The following OR1J2 variants were observed in gnomAD, a reference collection of about 807,000 sequenced individuals.
The protein encoded by OR1J2 is olfactory receptor family 1 subfamily J member 2.
For synonymous variants in OR1J2, 142 were observed against 99.7 expected (o/e 1.42, Z -2.52); for missense variants, 304 against 246.1 (o/e 1.24, Z -1.57).
chr9:122,448,522 G>A, the OR1J2 span, among the ~76,000 whole-genome samples: 1 of 152,136 alleles, frequency 6.6e-6, no homozygotes, highest in African/African-American at 2.4e-5. Flanking sequence ...GCGTCAGGCT[G>A]GGGGATGGTT....
the OR1J2 span, among the ~76,000 whole-genome samples, chr9:122,459,810 T>C: frequency 9.9e-4 from 151 of 152,266 alleles, 3 homozygotes; most frequent in South Asian, 0.03. Context: ...ACAGTGTACA[T>C]TGTAGTCAAT....
the OR1J2 span, among the ~76,000 whole-genome samples, chr9:122,469,681 G>A: frequency 0.32 from 49,072 of 152,118 alleles, 9,317 homozygotes; most frequent in Non-Finnish European, 0.45. Flanking sequence ...GGGAAAGTTT[G>A]GAACTCCCTA....
the OR1J2 span, among the ~76,000 whole-genome samples, chr9:122,546,497 G>A: frequency 6.6e-6 from 1 of 152,148 alleles, no homozygotes; most frequent in South Asian, 2.1e-4. Context: ...GCTGTGAGCT[G>A]TCCAAGTGAT....
chr9:122,510,753 C>T (rs1289969623), upstream of OR1J2: 8 of 1,028,886 alleles, frequency 7.8e-6, no homozygotes, highest in Non-Finnish European at 1.0e-5. Context: ...AATTTCAGAG[C>T]CTCTAATATT....
the OR1J2 span, among the ~76,000 whole-genome samples, chr9:122,569,470 A>G: frequency 6.6e-5 from 5 of 76,248 alleles, no homozygotes; most frequent in Admixed American, 7.4e-4. Context: ...TTTTTGTATC[A>G]GCAAAATGTT....
the OR1J2 span, among the ~76,000 whole-genome samples, chr9:122,451,513 A>G: frequency 1.3e-5 from 2 of 152,116 alleles, no homozygotes; most frequent in Non-Finnish European, 2.9e-5. Flanking sequence ...GCTTCAACAG[A>G]GGTGTTGAGC....
the OR1J2 span, among the ~76,000 whole-genome samples, chr9:122,503,083 T>C: frequency 1.3e-5 from 2 of 152,236 alleles, no homozygotes; most frequent in African/African-American, 4.8e-5. Context: ...ATTTAAGTGA[T>C]GTGGTATATG....
the OR1J2 span, among the ~76,000 whole-genome samples, chr9:122,521,097 T>C: frequency 2.0e-5 from 3 of 152,240 alleles, no homozygotes; most frequent in African/African-American, 7.2e-5. Flanking sequence ...GAACCTCAAT[T>C]TCTTCTTCTG....
chr9:122,542,742 A>G, the OR1J2 span, among the ~76,000 whole-genome samples: 2 of 152,232 alleles, frequency 1.3e-5, no homozygotes, highest in Non-Finnish European at 2.9e-5. Context: ...TGACAACTTT[A>G]TATACCTGTG....
the OR1J2 span, among the ~76,000 whole-genome samples, chr9:122,480,620 T>C: frequency 6.6e-6 from 1 of 151,104 alleles, no homozygotes; most frequent in Non-Finnish European, 1.5e-5. Context: ...AGAAAGAAAA[T>C]GTATTTGCTT....
the OR1J2 span, among the ~76,000 whole-genome samples, chr9:122,537,351 G>A: frequency 1.3e-5 from 2 of 152,222 alleles, no homozygotes; most frequent in African/African-American, 4.8e-5. Context: ...AGGCCAGGCA[G>A]GCCCAGGCCT....
chr9:122,546,274 A>C, the OR1J2 span, among the ~76,000 whole-genome samples: 1 of 152,194 alleles, frequency 6.6e-6, no homozygotes, highest in Non-Finnish European at 1.5e-5. Context: ...TGGCAAATTA[A>C]AGACGACCAA....
At chr9:122,551,470 G>T in the OR1J2 span, among the ~76,000 whole-genome samples, 1 of 152,170 alleles carries the variant, frequency 6.6e-6, no homozygotes, top group Non-Finnish European at 1.5e-5. Context: ...GAAATCGCCA[G>T]CAGAAATAGT....
At chr9:122,509,783 C>A (rs10985662), upstream of OR1J2, among the ~76,000 whole-genome samples, 8,433 of 152,082 alleles carry the variant, frequency 0.055, 367 homozygotes, top group East Asian at 0.17. Flanking sequence ...CAATGGGAAT[C>A]CTTTGAGAAT....
the OR1J2 span, among the ~76,000 whole-genome samples, chr9:122,531,779 TTGTTATCAGAC>T: frequency 6.6e-6 from 1 of 152,170 alleles, no homozygotes; most frequent in Non-Finnish European, 1.5e-5. Context: ...AAAGGCTGGT[TTGTTATCAGAC>T]TGTATAGAGG....
chr9:122,511,294 C>G lies in OR1J2; in HGVS notation c.493C>G (p.Arg165Gly), dbSNP rs112619503. 6.8e-6 allele frequency: 5 copies of G among 735,246 alleles called. No individual in the cohort carries two copies. Among genetic ancestry groups the G allele is most frequent in the Admixed American group, 5.8e-5 (3 of 51,422 alleles). 45.5% of individuals were successfully genotyped at this position (735,246 alleles called of 1,614,324 possible). ...SSLSHTLLLTRLSFCAANTIP... is the reference protein window; with the variant it reads ...SSLSHTLLLTGLSFCAANTIP... Reference sequence around the variant, plus strand: ...CCTCTCTCACACCCTTCTCCTGACCCGGCTGTCTTTCTGTGCTGCGAACAC... The same window carrying G: ...CCTCTCTCACACCCTTCTCCTGACCGGGCTGTCTTTCTGTGCTGCGAACAC... The change falls in exon 1 of 1, where the codon CGG (arginine) becomes GGG (glycine). Residue 165 changes from arginine (R) to glycine (G), a missense_variant. Physicochemically the swap from Arg to Gly is moderately radical, Grantham distance 125 (BLOSUM62 -2). Transcript: ENST00000335302.
chr9:122,533,818 C>T, the OR1J2 span, among the ~76,000 whole-genome samples: 1 of 152,066 alleles, frequency 6.6e-6, no homozygotes, highest in African/African-American at 2.4e-5. Flanking sequence ...CGGACTTACC[C>T]TCCACTCTGA....
At chr9:122,568,239 G>A in the OR1J2 span, 1 of 1,614,056 alleles carries the variant, frequency 6.2e-7, no homozygotes. Flanking sequence ...CAGCATCTTG[G>A]GGACAACGCT....
At chr9:122,521,888 G>A in the OR1J2 span, among the ~76,000 whole-genome samples, 1 of 152,172 alleles carries the variant, frequency 6.6e-6, no homozygotes, top group East Asian at 1.9e-4. Context: ...CCACAGGCTG[G>A]TGACACTTCT....
Sources: gnomAD v4.1 joint callset for allele counts (sites outside exome capture counted in the v4.1 genomes callset) on GRCh38, gnomAD v4.1.1 for gene constraint, MANE v1.5 for transcripts, NCBI Gene and HGNC (gene_info 2026-07-23, HGNC 2026-07-21) for gene names.